TCF7L1: variants seen among roughly 807,000 people sequenced by gnomAD.
TCF7L1 encodes the protein transcription factor 7-like 1.
In TCF7L1, 18 loss-of-function variants were observed where a neutral mutation model predicts 63.7. The observed-to-expected ratio is 0.28, with a 90% CI of 0.20 to 0.42. TCF7L1 has a LOEUF of 0.42. TCF7L1 is among the 10% of genes least tolerant of loss of function. The probability of loss-of-function intolerance (pLI) is 1.00; values close to 1 mark genes in which losing one functional copy is unlikely to be tolerated. For synonymous variants in TCF7L1, 355 were observed against 340.9 expected (o/e 1.04, Z -0.46); for missense variants, 654 against 779.3 (o/e 0.84, Z 1.91).
chr2:85,188,069 C>G (rs1026185661), intron 3 of TCF7L1, among the ~76,000 whole-genome samples: 6 of 152,092 alleles, frequency 3.9e-5, no homozygotes, highest in African/African-American at 1.4e-4. Flanking sequence ...ATATAACATT[C>G]GTGAAATGAC....
intron 3 of TCF7L1, among the ~76,000 whole-genome samples, chr2:85,222,154 C>G (rs1679854099): frequency 6.6e-6 from 1 of 151,964 alleles, no homozygotes; most frequent in African/African-American, 2.4e-5. Flanking sequence ...CCAGCCTGAC[C>G]AACATGGTGA....
At chr2:85,287,273 T>A (rs1681584798) in intron 4 of TCF7L1, among the ~76,000 whole-genome samples, 2 of 152,260 alleles carry the variant, frequency 1.3e-5, no homozygotes, top group Non-Finnish European at 2.9e-5. Context: ...GATACTGTAT[T>A]AATACACATA....
intron 4 of TCF7L1, among the ~76,000 whole-genome samples, chr2:85,294,249 GAC>G (rs1181396940): frequency 6.6e-6 from 1 of 151,828 alleles, no homozygotes; most frequent in Non-Finnish European, 1.5e-5. Flanking sequence ...TGTTAGCCAG[GAC>G]AGTCTCGATC....
Position 85,283,486 on chromosome 2 carries a change from C to T in TCF7L1, c.442-9C>T, listed in dbSNP as rs1378133889. 3 of 1,614,066 alleles carry T rather than the reference C, an allele frequency of 1.9e-6. No individual in the cohort carries two copies. The highest frequency in any genetic ancestry group is 2.5e-6 in the Non-Finnish European group (3 of 1,179,998). On this transcript the variant is annotated splice_polypyrimidine_tract_variant and intron_variant, in intron 3 of 11. Transcript: ENST00000282111. Reference sequence around the variant, plus strand: ...ACCAACAGCTTTTTCTTTTCTGTTCCCTGTGCAGTACCTGCAGATGAAATG... The same window carrying T: ...ACCAACAGCTTTTTCTTTTCTGTTCTCTGTGCAGTACCTGCAGATGAAATG...
At chr2:85,175,778 G>T (rs1678666166) in intron 3 of TCF7L1, among the ~76,000 whole-genome samples, 2 of 152,232 alleles carry the variant, frequency 1.3e-5, no homozygotes, top group South Asian at 4.1e-4. Context: ...ACAAAAGTTG[G>T]CTGTAACATG....
chr2:85,304,396 A>T, intron 7 of TCF7L1, 58 bp downstream of exon 7: 1 of 1,560,820 alleles, frequency 6.4e-7, no homozygotes, highest in Non-Finnish European at 8.8e-7. Flanking sequence ...GCCATTTCTG[A>T]CCACGAAACA....
intron 3 of TCF7L1, among the ~76,000 whole-genome samples, chr2:85,282,635 G>A (rs1332732908): frequency 6.6e-6 from 1 of 152,108 alleles, no homozygotes; most frequent in Non-Finnish European, 1.5e-5. Flanking sequence ...CTCATTCAGG[G>A]TCACACAGCC....
chr2:85,154,656 G>A (rs914680120), intron 3 of TCF7L1, among the ~76,000 whole-genome samples: 15 of 152,074 alleles, frequency 9.9e-5, no homozygotes, highest in Non-Finnish European at 1.8e-4. Context: ...TTTCACTGTC[G>A]GTAAATATGT....
At chr2:85,209,761 C>T (rs12476165) in intron 3 of TCF7L1, among the ~76,000 whole-genome samples, 31,601 of 152,042 alleles carry the variant, frequency 0.21, 4,109 homozygotes, top group Non-Finnish European at 0.3. Flanking sequence ...GGAGCGACAC[C>T]TTTGCACAGA....
At chr2:85,192,391 AT>A (rs1366261373) in intron 3 of TCF7L1, among the ~76,000 whole-genome samples, 57 of 150,824 alleles carry the variant, frequency 3.8e-4, no homozygotes, top group East Asian at 2.5e-3. Context: ...CTCTAATTTT[AT>A]TTTTTTTTTA....
chr2:85,190,289 G>A (rs1679014844), intron 3 of TCF7L1, among the ~76,000 whole-genome samples: 1 of 152,198 alleles, frequency 6.6e-6, no homozygotes, highest in Non-Finnish European at 1.5e-5. Flanking sequence ...CACCTCTTAG[G>A]TCAAGGAGAG....
chr2:85,281,989 C>CTT (rs112526651), intron 3 of TCF7L1, among the ~76,000 whole-genome samples: 205 of 151,352 alleles, frequency 1.4e-3, no homozygotes, highest in Non-Finnish European at 2.3e-3. Context: ...TCAAAGGCTT[C>CTT]TTTTTTTTTC....
chr2:85,191,050 G>A (rs557770358), intron 3 of TCF7L1, among the ~76,000 whole-genome samples: 1 of 152,278 alleles, frequency 6.6e-6, no homozygotes, highest in South Asian at 2.1e-4. Context: ...TAAGAAAGAA[G>A]GAAGAAAAGG....
intron 3 of TCF7L1, among the ~76,000 whole-genome samples, chr2:85,210,671 G>A (rs1394295781): frequency 6.6e-6 from 1 of 152,148 alleles, no homozygotes; most frequent in Non-Finnish European, 1.5e-5. Flanking sequence ...GTCTGTTAGG[G>A]CCTCTTTCTT....
chr2:85,142,227 G>A (rs1379773376), intron 3 of TCF7L1, among the ~76,000 whole-genome samples: 1 of 152,082 alleles, frequency 6.6e-6, no homozygotes, highest in African/African-American at 2.4e-5. Flanking sequence ...ACGAGTTCGA[G>A]AGCAGCCTGG....
Position 85,309,358 on chromosome 2 carries a change from C to T in TCF7L1, c.1663C>T (p.Leu555=). Residue 555 remains leucine, a synonymous_variant, in exon 12 of 12, where the codon CTG becomes TTG. Transcript: ENST00000282111. ...CCCCCTTGGGTCCATGCCCACAGCT[C>T]TGCTGGCCTCTCCCCCGTCCTTCCC... The part of the protein sequence containing the change: ...PLPLGSMPTA[L]LASPPSFPAT... 6.2e-7 allele frequency: 1 copy of T among 1,610,114 alleles called. No individual in the cohort carries two copies. Among genetic ancestry groups the T allele is most frequent in the South Asian group, 1.1e-5 (1 of 90,654 alleles).
chr2:85,178,766 C>T (rs759924364), intron 3 of TCF7L1, among the ~76,000 whole-genome samples: 17 of 152,198 alleles, frequency 1.1e-4, no homozygotes, highest in Admixed American at 3.3e-4. Context: ...CCCATCCTGT[C>T]TGAGCTTTGA....
intron 3 of TCF7L1, among the ~76,000 whole-genome samples, chr2:85,179,999 A>G (rs1558625570): frequency 6.6e-6 from 1 of 152,062 alleles, no homozygotes; most frequent in East Asian, 1.9e-4. Context: ...ATGGCTTCAC[A>G]CATAGGGGGT....
chr2:85,309,632 T>C lies in TCF7L1; in HGVS notation c.*170T>C, dbSNP rs902466996. ...TTGTAGATGTAACCAGTAGCTGATC[T>C]TAAGGCTTTTTTAAAAAACAAAACA... On this transcript the variant is annotated 3_prime_UTR_variant, in exon 12 of 12. Transcript: ENST00000282111. 3.7e-6 allele frequency: 2 copies of C among 546,414 alleles called. No homozygotes were observed. The highest frequency in any genetic ancestry group is 3.9e-5 in the African/African-American group (2 of 51,436). The allele number at this position is 546,414 out of a possible 1,614,324, so 33.8% of individuals were successfully genotyped here.
Sources: gnomAD v4.1 joint callset for allele counts (sites outside exome capture counted in the v4.1 genomes callset) on GRCh38, gnomAD v4.1.1 for gene constraint, MANE v1.5 for transcripts, NCBI Gene and HGNC (gene_info 2026-07-23, HGNC 2026-07-21) for gene names.